Variants in TBC1D25 observed in about 807,000 individuals in gnomAD.
TBC1D25 encodes the protein 5SN3 snoRNA.
A neutral mutation model predicts 38.8 loss-of-function variants in TBC1D25; 13 were observed. The ratio of observed to expected loss-of-function variants is 0.34; its 90% CI spans 0.22 to 0.53. The LOEUF (loss-of-function observed/expected upper bound fraction) is 0.53, where lower values mean the gene tolerates loss of function less well. TBC1D25 is among the 20% of genes least tolerant of loss of function. The pLI is 0.94. For missense variants in TBC1D25, 372 were observed against 600.0 expected, an observed-to-expected ratio of 0.62 and a Z score of 3.97; for synonymous variants, 225 against 255.6, an observed-to-expected ratio of 0.88 and a Z score of 1.14.
At position 48,539,749 on chromosome X, in the gene TBC1D25, G is replaced by A; in HGVS notation, c.-49G>A. ...GCGTCAGTACAGTAGAGTGTGCGCC[G>A]GGGTGGGGGGCAACGGTCAGCCGTC... is the stretch of plus-strand genomic sequence containing the variant. On this transcript the variant is annotated 5_prime_UTR_variant, in exon 1 of 6. Transcript: ENST00000376771. The A allele has an allele frequency of 2.1e-6, 2 of 945,705 alleles. No individual in the cohort carries two copies. Among genetic ancestry groups the A allele is most frequent in the Non-Finnish European group, 2.6e-6 (2 of 759,049 alleles). The allele number at this position is 945,705 out of a possible 1,213,427, so 77.9% of individuals were successfully genotyped here. A position where few individuals can be genotyped will look rare whatever the true frequency, so the allele number is the denominator to read the frequency against.
At chrX:48,556,362 C>T (rs1397148667) in intron 3 of TBC1D25, among the ~76,000 whole-genome samples, 1 of 111,895 alleles carries the variant, frequency 8.9e-6, no homozygotes, top group African/African-American at 3.2e-5. Flanking sequence ...CAATACAGCA[C>T]GTTTCTGTGA....
At position 48,559,352 on chromosome X, in the gene TBC1D25, C is replaced by T; in HGVS notation, c.705+6C>T. ...TGGAGCCCTCGCTGCGAAAGGTGAG[C>T]ATCCTCAGTCATCTGTTGGGTCCAT... On this transcript the variant is annotated splice_donor_region_variant and intron_variant, in intron 5 of 5. Transcript: ENST00000376771. 8.3e-7 allele frequency: 1 copy of T among 1,201,381 alleles called. No homozygotes were observed. Among genetic ancestry groups the T allele is most frequent in the Non-Finnish European group, 1.1e-6 (1 of 890,030 alleles).
At chrX:48,554,815 C>T (rs782000467) in intron 3 of TBC1D25, among the ~76,000 whole-genome samples, 14 of 111,905 alleles carry the variant, frequency 1.3e-4, no homozygotes, top group Admixed American at 4.8e-4. Context: ...AGCTCCATGC[C>T]TTGCAGTGGT....
chrX:48,560,186 G>A lies in TBC1D25; in HGVS notation c.1278G>A (p.Met426Ile), dbSNP rs2062011662. 1.7e-6 allele frequency: 2 copies of A among 1,208,403 alleles called. No homozygotes were observed. The highest frequency in any genetic ancestry group is 4.4e-5 in the Admixed American group (2 of 45,503). Residue 426 changes from methionine (M) to isoleucine (I), a missense_variant, in exon 6 of 6, where the codon ATG (methionine) becomes ATA (isoleucine). Coordinates refer to ENST00000376771, the MANE Select transcript of TBC1D25 (RefSeq NM_002536.4). ...REFAFDDALR[M>I]LEVTWSSLPP... ...TCGCCTTCGACGATGCCCTCCGCAT[G>A]CTTGAGGTCACTTGGAGTTCGCTGC...
intron 2 of TBC1D25, among the ~76,000 whole-genome samples, chrX:48,543,858 T>C (rs1276457866): frequency 1.1e-5 from 1 of 92,332 alleles, no homozygotes; most frequent in Non-Finnish European, 2.1e-5. Flanking sequence ...CACTCCAGAC[T>C]GGGCGACAGA....
At chrX:48,558,814 G>A (rs782618724) in intron 3 of TBC1D25, 83 bp from the exon 4 acceptor site, 32 of 1,157,615 alleles carry the variant, frequency 2.8e-5, no homozygotes, top group East Asian at 6.0e-5. Flanking sequence ...CAGGTAGCCC[G>A]GCTTCAGTAG....
intron 1 of TBC1D25, 50 bp downstream of exon 1, chrX:48,539,970 G>T: frequency 1.1e-6 from 1 of 945,429 alleles, no homozygotes; most frequent in Non-Finnish European, 1.3e-6. Flanking sequence ...CCAGGGGAGG[G>T]GGAGGCGGTG....
Position 48,560,980 on chromosome X carries a change from G to C in TBC1D25, c.*5G>C, listed in dbSNP as rs1556986269. 2 of 1,178,563 alleles carry C rather than the reference G, an allele frequency of 1.7e-6. No individual in the cohort carries two copies. Among genetic ancestry groups the C allele is most frequent in the African/African-American group, 1.8e-5 (1 of 56,904 alleles). On this transcript the variant is annotated 3_prime_UTR_variant, in exon 6 of 6. Transcript: ENST00000376771. ...GAGGCCACAGCCGCATCTTGATCAGGCTTTCTCAAGCCCTCCATCGGCCCC... is the reference window on the plus strand; with the variant it reads ...GAGGCCACAGCCGCATCTTGATCAGCCTTTCTCAAGCCCTCCATCGGCCCC...
chrX:48,540,856 G>A (rs1277375173), intron 1 of TBC1D25, among the ~76,000 whole-genome samples: 1 of 112,205 alleles, frequency 8.9e-6, no homozygotes, highest in Admixed American at 9.4e-5. Flanking sequence ...AAGAAAGTGG[G>A]AGGGATGTTC....
At chrX:48,557,970 G>T (rs1253350718) in intron 3 of TBC1D25, among the ~76,000 whole-genome samples, 1 of 100,235 alleles carries the variant, frequency 1.0e-5, no homozygotes, top group Non-Finnish European at 2.0e-5. Flanking sequence ...AATTAGCTGG[G>T]CATGGTGGCA....
Position 48,559,990 on chromosome X carries a change from G to A in TBC1D25, c.1082G>A (p.Arg361His). 3 of 1,210,752 alleles carry A rather than the reference G, an allele frequency of 2.5e-6. No homozygotes were observed. The highest frequency in any genetic ancestry group is 3.4e-6 in the Non-Finnish European group (3 of 895,109). ...GTTTGCTTTTGTGGCATCATGAAACGCCTGGCCGCCAACTTCCACCCTGAC... is the reference window on the plus strand; with the variant it reads ...GTTTGCTTTTGTGGCATCATGAAACACCTGGCCGCCAACTTCCACCCTGAC... ...AFVCFCGIMK[R>H]LAANFHPDGR... The change falls in exon 6 of 6, where the codon CGC becomes CAC. Residue 361 changes from arginine to histidine, a missense_variant. Coordinates refer to ENST00000376771, the MANE Select transcript of TBC1D25 (RefSeq NM_002536.4).
In TBC1D25 at chrX:48,560,271, G is replaced by A. The variant is rs235836; in HGVS notation, c.1363G>A (p.Ala455Thr). The A allele has an allele frequency of 0.44, 532,805 of 1,207,207 alleles. 82,902 individuals carry two copies. The highest frequency in any genetic ancestry group is 0.77 in the African/African-American group (43,745 of 56,674). ...TGGACCCCCCAGCCAAGTGGCAGAC[G>A]CTGGTTTTGGTGGCCACAGGGGGTG... Reference protein sequence around the residue: ...LVGPPSQVADAGFGGHRGWPV... With the variant: ...LVGPPSQVADTGFGGHRGWPV... Residue 455 changes from alanine (A) to threonine (T), a missense_variant, in exon 6 of 6, where the codon GCT (alanine) becomes ACT (threonine). Physicochemically the swap from Ala to Thr is moderately conservative, Grantham distance 58. This residue lies in a region of TBC1D25 where 312 missense variants were observed against 549.3 expected (regional missense o/e 0.57). Transcript: ENST00000376771.
chrX:48,555,677 C>T (rs1243599068), intron 3 of TBC1D25, among the ~76,000 whole-genome samples: 1 of 111,135 alleles, frequency 9.0e-6, no homozygotes, highest in Non-Finnish European at 1.9e-5. Context: ...GCACCAGCGC[C>T]GGTCTCTGAG....
At chrX:48,542,843 C>T (rs112390333) in intron 2 of TBC1D25, among the ~76,000 whole-genome samples, 30 of 111,322 alleles carry the variant, frequency 2.7e-4, no homozygotes, top group African/African-American at 8.1e-4. Context: ...TCAAGCAATC[C>T]GCCCGCCTCA....
In TBC1D25 at chrX:48,549,409, G is replaced by A. The variant is rs573653000; in HGVS notation, c.388+4386G>A. On this transcript the variant is annotated intron_variant, in intron 3 of 5. Coordinates refer to ENST00000376771, the MANE Select transcript of TBC1D25 (RefSeq NM_002536.4). ...TCTTTTGTTTTTTGGCTTTGCTTAC[G>A]GGATGGATCTGTTTTGTCCTATCAA... Among the ~76,000 whole-genome samples, 50 of 112,645 alleles carry A rather than the reference G, an allele frequency of 4.4e-4. No homozygotes were observed. The South Asian group carries it at 0.015, about 35-fold the overall frequency.
intron 3 of TBC1D25, among the ~76,000 whole-genome samples, chrX:48,553,009 T>C (rs1174035607): frequency 9.2e-6 from 1 of 108,422 alleles, no homozygotes; most frequent in Non-Finnish European, 1.9e-5. Context: ...AGGCTGGTCT[T>C]GAACTCCTGA....
At chrX:48,556,562 C>A (rs781869378) in intron 3 of TBC1D25, among the ~76,000 whole-genome samples, 1 of 109,705 alleles carries the variant, frequency 9.1e-6, no homozygotes, top group East Asian at 2.9e-4. Flanking sequence ...TGGAGACCAG[C>A]CTGGCAAACC....
chrX:48,550,479 AT>A lies in TBC1D25; in HGVS notation c.388+5471del, dbSNP rs1369539825. Among the ~76,000 whole-genome samples the A allele has an allele frequency of 5.4e-3, 550 of 100,988 alleles. 2 individuals are homozygous for A. Among genetic ancestry groups the A allele is most frequent in the African/African-American group, 0.015 (421 of 28,061 alleles). The allele number at this position is 100,988 out of a possible 115,157, so 87.7% of individuals were successfully genotyped here. A position where few individuals can be genotyped will look rare whatever the true frequency, so the allele number is the denominator to read the frequency against. On this transcript the variant is annotated intron_variant, in intron 3 of 5. Transcript: ENST00000376771. ...TTTATGACAGTGGTTTTGTGGTCAA[AT>A]TTTTTTTTTTTTTTGAGATGGAGTC... is the stretch of plus-strand genomic sequence containing the variant.
chrX:48,552,951 G>A (rs782361794), intron 3 of TBC1D25, among the ~76,000 whole-genome samples: 2 of 108,915 alleles, frequency 1.8e-5, no homozygotes, highest in East Asian at 5.8e-4. Flanking sequence ...CACCACACCC[G>A]GCTAGTTTTT....
Sources: allele counts gnomAD v4.1 joint callset (sites outside exome capture counted in the v4.1 genomes callset), GRCh38; gene constraint gnomAD v4.1.1; regional missense constraint gnomAD v4.1.1; transcripts MANE v1.5; gene names NCBI Gene and HGNC (gene_info 2026-07-23, HGNC 2026-07-21).